The following MLLT3 variants were observed in gnomAD, a reference collection of about 807,000 sequenced individuals.
The protein encoded by MLLT3 is MLLT3 super elongation complex subunit, also known as protein AF-9.
A neutral mutation model predicts 53.2 loss-of-function variants in MLLT3; 4 were observed. The ratio of observed to expected loss-of-function variants is 0.08; its 90% confidence interval spans 0.04 to 0.17. The LOEUF (loss-of-function observed/expected upper bound fraction) is 0.17. MLLT3 is among the 10% of genes least tolerant of loss of function. MLLT3 has a pLI of 1.00. For synonymous variants in MLLT3, 283 were observed against 230.6 expected, an observed-to-expected ratio of 1.23 and a Z score of -2.06; for missense variants, 569 against 684.0, an observed-to-expected ratio of 0.83 and a Z score of 1.87.
At chr9:20,509,332 T>C (rs10964584) in intron 2 of MLLT3, among the ~76,000 whole-genome samples, 32,650 of 152,128 alleles carry the variant, frequency 0.21, 3,655 homozygotes, top group African/African-American at 0.27. Context: ...TACTGAAAGG[T>C]ATATTTATTC....
chr9:20,404,673 T>A (rs576772202), intron 5 of MLLT3, among the ~76,000 whole-genome samples: 3 of 152,186 alleles, frequency 2.0e-5, no homozygotes, highest in East Asian at 3.9e-4. Context: ...CCCAGATAAT[T>A]TTTAAATATT....
chr9:20,565,022 G>T (rs1426141654), intron 2 of MLLT3, among the ~76,000 whole-genome samples: 2 of 152,000 alleles, frequency 1.3e-5, no homozygotes, highest in Non-Finnish European at 2.9e-5. Flanking sequence ...AAACACACTG[G>T]AATCTTTCAA....
At chr9:20,617,528 C>T (rs1460144416) in intron 2 of MLLT3, among the ~76,000 whole-genome samples, 1 of 152,116 alleles carries the variant, frequency 6.6e-6, no homozygotes, top group Non-Finnish European at 1.5e-5. Context: ...AAAAAGTTCA[C>T]TCAAATTCAC....
chr9:20,440,879 G>A (rs956703253), intron 4 of MLLT3, among the ~76,000 whole-genome samples: 4 of 152,102 alleles, frequency 2.6e-5, no homozygotes, highest in Non-Finnish European at 4.4e-5. Flanking sequence ...GCAGGATTAA[G>A]TGACAACTTT....
chr9:20,519,485 G>A (rs1414620467), intron 2 of MLLT3, among the ~76,000 whole-genome samples: 1 of 152,038 alleles, frequency 6.6e-6, no homozygotes, highest in Non-Finnish European at 1.5e-5. Context: ...CCATATATAG[G>A]CTTTTTTGAC....
chr9:20,384,340 C>G (rs1439632883), intron 5 of MLLT3, among the ~76,000 whole-genome samples: 1 of 152,012 alleles, frequency 6.6e-6, no homozygotes. Context: ...TTGTAAGTCA[C>G]TTTATTATAT....
intron 2 of MLLT3, among the ~76,000 whole-genome samples, chr9:20,587,783 T>G (rs1398243852): frequency 5.9e-5 from 9 of 152,006 alleles, no homozygotes; most frequent in Non-Finnish European, 1.3e-4. Context: ...TTCTCCCATT[T>G]TGTAGGTTGC....
Position 20,621,025 on chromosome 9 carries a change from C to T in MLLT3, c.13-191G>A. ...CCCCCAAATATACCCGCCCGCCCGG[C>T]CCGGCTTGGCCCCAGGCGCCCCGGG... On this transcript the variant is annotated intron_variant, in intron 1 of 10. Coordinates refer to ENST00000380338, the MANE Select transcript of MLLT3 (RefSeq NM_004529.4). The surrounding 1 kb of genome is among the most constrained non-coding windows in gnomAD (Gnocchi z 7.0). The T allele has an allele frequency of 1.4e-6, 1 of 734,698 alleles. No homozygotes were observed. Among genetic ancestry groups the T allele is most frequent in the Non-Finnish European group, 2.4e-6 (1 of 419,720 alleles). The allele number at this position is 734,698 out of a possible 1,614,324, so 45.5% of individuals were successfully genotyped here.
At chr9:20,360,614 TC>T (rs1821295564) in intron 8 of MLLT3, 127 bp downstream of exon 8, 1 of 727,608 alleles carries the variant, frequency 1.4e-6, no homozygotes, top group African/African-American at 1.8e-5. Flanking sequence ...GGCTGTGGCC[TC>T]CCTCCCATCT....
chr9:20,559,469 C>T (rs534734970), intron 2 of MLLT3, among the ~76,000 whole-genome samples: 33 of 152,262 alleles, frequency 2.2e-4, no homozygotes, highest in Admixed American at 1.2e-3. Flanking sequence ...AATAGCACTC[C>T]GGAAGAATAA....
intron 5 of MLLT3, among the ~76,000 whole-genome samples, chr9:20,397,013 C>T (rs1822337278): frequency 1.3e-5 from 2 of 152,118 alleles, no homozygotes; most frequent in South Asian, 4.1e-4. Context: ...ATCAACCAAT[C>T]CTTTGATGCA....
chr9:20,500,903 C>T (rs960163419), intron 2 of MLLT3, among the ~76,000 whole-genome samples: 1 of 152,182 alleles, frequency 6.6e-6, no homozygotes, highest in African/African-American at 2.4e-5. Context: ...TGCCCAGAAA[C>T]CTGGGTTACA....
intron 2 of MLLT3, among the ~76,000 whole-genome samples, chr9:20,467,136 T>C (rs1182479346): frequency 6.6e-6 from 1 of 152,022 alleles, no homozygotes; most frequent in Non-Finnish European, 1.5e-5. Flanking sequence ...GAGAACCGGA[T>C]ATTGGCAAAG....
chr9:20,573,184 TTTTG>T (rs1819575144), intron 2 of MLLT3, among the ~76,000 whole-genome samples: 1 of 61,214 alleles, frequency 1.6e-5, no homozygotes. Context: ...TTTTTTTTTG[TTTTG>T]TTTTTTTTTT....
chr9:20,474,477 T>C (rs924903307), intron 2 of MLLT3, among the ~76,000 whole-genome samples: 1 of 152,114 alleles, frequency 6.6e-6, no homozygotes, highest in Non-Finnish European at 1.5e-5. Context: ...CTACCCTATC[T>C]TGTCATTCTG....
At chr9:20,564,238 C>A (rs572121654) in intron 2 of MLLT3, among the ~76,000 whole-genome samples, 1 of 152,220 alleles carries the variant, frequency 6.6e-6, no homozygotes, top group South Asian at 2.1e-4. Context: ...ACTAACTTCA[C>A]TTAAGCCACA....
intron 5 of MLLT3, chr9:20,410,674 C>T (rs1184741293): frequency 6.6e-6 from 1 of 152,080 alleles, no homozygotes; most frequent in Non-Finnish European, 1.5e-5. Flanking sequence ...GAAAATCCTA[C>T]CAAAAAGGAC....
intron 2 of MLLT3, among the ~76,000 whole-genome samples, chr9:20,459,703 C>T (rs1363375955): frequency 3.3e-5 from 5 of 152,064 alleles, no homozygotes; most frequent in East Asian, 1.9e-4. Flanking sequence ...CACATCTTAT[C>T]GTTGAATATC....
chr9:20,521,786 G>A (rs1234337249), intron 2 of MLLT3, among the ~76,000 whole-genome samples: 1 of 152,012 alleles, frequency 6.6e-6, no homozygotes, highest in Non-Finnish European at 1.5e-5. Flanking sequence ...TATTGTTCGT[G>A]ATGCCATAAG....
Sources: allele counts gnomAD v4.1 joint callset (sites outside exome capture counted in the v4.1 genomes callset), GRCh38; gene constraint gnomAD v4.1.1; non-coding constraint Gnocchi (gnomAD v3.1); transcripts MANE v1.5; gene names NCBI Gene and HGNC (gene_info 2026-07-23, HGNC 2026-07-21).